Variants in ENTHD1 observed in about 807,000 individuals in gnomAD.
ENTHD1 encodes ENTH domain containing 1, also known as ENTH domain-containing protein 1.
In ENTHD1, 23 loss-of-function variants were observed where a neutral mutation model predicts 39.1. The observed-to-expected ratio is 0.59, with a 90% CI of 0.42 to 0.83. The LOEUF (loss-of-function observed/expected upper bound fraction) is 0.83. Ranked by LOEUF, ENTHD1 falls within the 40% of genes least tolerant of loss-of-function variation. The pLI is 0.00. For missense variants in ENTHD1, 624 were observed against 705.4 expected (o/e 0.88, Z 1.31); for synonymous variants, 230 against 258.2 (o/e 0.89, Z 1.05).
intron 5 of ENTHD1, among the ~76,000 whole-genome samples, chr22:39,798,449 T>C (rs567986668): frequency 6.6e-6 from 1 of 152,256 alleles, no homozygotes; most frequent in South Asian, 2.1e-4. Flanking sequence ...ACATGTTAGC[T>C]TTGATTCTGG....
At chr22:39,796,195 A>T (rs2065547802) in intron 5 of ENTHD1, among the ~76,000 whole-genome samples, 1 of 152,042 alleles carries the variant, frequency 6.6e-6, no homozygotes, top group Non-Finnish European at 1.5e-5. Flanking sequence ...GTTTACTGCT[A>T]TAATCTTCCC....
chr22:39,795,864 T>C (rs2065545206), intron 5 of ENTHD1, among the ~76,000 whole-genome samples: 1 of 152,216 alleles, frequency 6.6e-6, no homozygotes, highest in African/African-American at 2.4e-5. Flanking sequence ...AGCATATAGT[T>C]GTTCGTAATA....
intron 4 of ENTHD1, among the ~76,000 whole-genome samples, chr22:39,826,607 C>T (rs1449785037): frequency 6.6e-6 from 1 of 152,140 alleles, no homozygotes; most frequent in Non-Finnish European, 1.5e-5. Context: ...CCGCTCACCA[C>T]CGCTTTAGCT....
chr22:39,835,927 CT>C lies in ENTHD1; in HGVS notation c.623del (p.Glu208GlyfsTer32). 6.2e-7 allele frequency: 1 copy of C among 1,608,954 alleles called. No homozygotes were observed. The highest frequency in any genetic ancestry group is 1.3e-5 in the African/African-American group (1 of 74,848). Reference protein sequence around the residue: ...RNVCKAGLKQEHCQDVHLPTE... With the variant: ...RNVCKAGLKQXHCQDVHLPTE... Reference sequence around the variant, plus strand: ...TAGGCAAATGAACATCTTGGCAATGCTCTTGTTTCAATCCTGCCTTGCACAC... The same window carrying C: ...TAGGCAAATGAACATCTTGGCAATGCCTTGTTTCAATCCTGCCTTGCACAC... On this transcript the variant is annotated frameshift_variant, in exon 4 of 7. Transcript: ENST00000325157. LOFTEE classifies it high-confidence loss of function.
intron 6 of ENTHD1, among the ~76,000 whole-genome samples, chr22:39,749,773 A>G (rs2065134464): frequency 6.6e-6 from 1 of 152,188 alleles, no homozygotes; most frequent in Admixed American, 6.5e-5. Context: ...GGGACCGGTG[A>G]TAGGTTAGCT....
intron 5 of ENTHD1, among the ~76,000 whole-genome samples, chr22:39,794,787 G>C (rs1363297866): frequency 2.0e-5 from 3 of 147,158 alleles, no homozygotes; most frequent in Admixed American, 6.8e-5. Flanking sequence ...CTGGGCAACA[G>C]AGCAAGACTC....
At chr22:39,812,892 C>T (rs1297085034) in intron 5 of ENTHD1, among the ~76,000 whole-genome samples, 1 of 152,214 alleles carries the variant, frequency 6.6e-6, no homozygotes, top group Non-Finnish European at 1.5e-5. Context: ...AAGCAATCCT[C>T]CCACCTCAGT....
At chr22:39,808,285 T>A (rs1275886696) in intron 5 of ENTHD1, among the ~76,000 whole-genome samples, 1 of 152,154 alleles carries the variant, frequency 6.6e-6, no homozygotes, top group Non-Finnish European at 1.5e-5. Flanking sequence ...CTCCTGTACA[T>A]GTTCGTGTCC....
At chr22:39,881,408 G>C (rs999316577) in intron 2 of ENTHD1, among the ~76,000 whole-genome samples, 2 of 152,180 alleles carry the variant, frequency 1.3e-5, no homozygotes, top group African/African-American at 4.8e-5. Context: ...CTGAAAAGCT[G>C]TCTAGAGATT....
chr22:39,871,220 TAC>T (rs1398939909), intron 2 of ENTHD1, among the ~76,000 whole-genome samples: 8 of 149,748 alleles, frequency 5.3e-5, no homozygotes, highest in African/African-American at 9.9e-5. Context: ...AATAAATAAA[TAC>T]GGACCTTCCT....
At chr22:39,892,436 T>C (rs1399777147) in intron 1 of ENTHD1, among the ~76,000 whole-genome samples, 7 of 152,236 alleles carry the variant, frequency 4.6e-5, no homozygotes, top group Non-Finnish European at 7.3e-5. Flanking sequence ...GCCATGTCTA[T>C]ACCATATATT....
chr22:39,751,361 T>C (rs1004108036), intron 6 of ENTHD1: 1 of 153,184 alleles, frequency 6.5e-6, no homozygotes, highest in African/African-American at 2.4e-5. Flanking sequence ...CTTCAAAGGA[T>C]CTTCTCTTCT....
chr22:39,805,395 T>G (rs2065632395), intron 5 of ENTHD1, among the ~76,000 whole-genome samples: 1 of 152,078 alleles, frequency 6.6e-6, no homozygotes, highest in South Asian at 2.1e-4. Flanking sequence ...AGACTAGCAG[T>G]TTTTGCGCAT....
intron 2 of ENTHD1, among the ~76,000 whole-genome samples, chr22:39,883,855 C>CAAAAAAAAAAAAAAAAAAAA (rs137949): frequency 1.5e-5 from 1 of 68,594 alleles, no homozygotes; most frequent in Non-Finnish European, 2.7e-5. Context: ...CTCTGTCCCA[C>CAAAAAAAAAAAAAAAAAAAA]AAAAAAAAAA....
At chr22:39,877,608 C>T (rs574487301) in intron 2 of ENTHD1, among the ~76,000 whole-genome samples, 1 of 152,272 alleles carries the variant, frequency 6.6e-6, no homozygotes, top group East Asian at 1.9e-4. Context: ...CAGGGCCTCC[C>T]TCACTTTTGT....
intron 5 of ENTHD1, among the ~76,000 whole-genome samples, chr22:39,818,715 T>C (rs1271182238): frequency 1.3e-5 from 2 of 152,196 alleles, no homozygotes; most frequent in African/African-American, 4.8e-5. Context: ...AAAGGAAAGA[T>C]TGCAGAAATG....
Position 39,743,882 on chromosome 22 carries a change from C to T in ENTHD1, c.1621G>A (p.Glu541Lys), listed in dbSNP as rs755156116. The part of the protein sequence containing the change: ...GFQSTKDFPQ[E>K]PEAKNSISVL... ...CTAATGGAATTCTTTGCTTCAGGTT[C>T]CTGGGGGAAGTCTTTGGTTGACTGA... The change falls in exon 7 of 7, where the codon GAA (glutamate) becomes AAA (lysine). Residue 541 changes from glutamate (E) to lysine (K), a missense_variant. Physicochemically the swap from Glu to Lys is moderately conservative, Grantham distance 56 (BLOSUM62 1). Transcript: ENST00000325157. The T allele has an allele frequency of 9.3e-6, 15 of 1,614,116 alleles. No homozygotes were observed. Among genetic ancestry groups the T allele is most frequent in the Non-Finnish European group, 1.2e-5 (14 of 1,180,002 alleles).
chr22:39,814,544 T>G (rs532805458), intron 5 of ENTHD1, among the ~76,000 whole-genome samples: 1 of 150,030 alleles, frequency 6.7e-6, no homozygotes, highest in East Asian at 1.9e-4. Context: ...TTAAAACTAT[T>G]TATCAATGCA....
chr22:39,883,021 A>G (rs867304845), intron 2 of ENTHD1, among the ~76,000 whole-genome samples: 62 of 151,078 alleles, frequency 4.1e-4, no homozygotes, highest in Middle Eastern at 3.4e-3. Context: ...AAAAAAAAAA[A>G]AAAGAAAGAA....
Sources: gnomAD v4.1 joint callset for allele counts (sites outside exome capture counted in the v4.1 genomes callset) on GRCh38, gnomAD v4.1.1 for gene constraint, MANE v1.5 for transcripts, NCBI Gene and HGNC (gene_info 2026-07-23, HGNC 2026-07-21) for gene names.